The following SUPT3H variants were observed in gnomAD, a reference collection of about 807,000 sequenced individuals.
SUPT3H encodes transcription initiation protein SPT3 homolog.
A neutral mutation model predicts 44.3 loss-of-function variants in SUPT3H; 44 were observed. That is an observed-to-expected ratio of 0.99 (90% CI 0.78 to 1.28). The LOEUF (loss-of-function observed/expected upper bound fraction) is 1.28, where lower values mean the gene tolerates loss of function less well. Ranked by LOEUF, SUPT3H falls within the 50% of genes most tolerant of loss-of-function variation. SUPT3H has a pLI of 0.00. For synonymous variants in SUPT3H, 124 were observed against 125.6 expected (o/e 0.99, Z 0.09); for missense variants, 380 against 387.1 (o/e 0.98, Z 0.15).
chr6:45,207,086 C>T (rs1763326053), intron 2 of SUPT3H, among the ~76,000 whole-genome samples: 2 of 152,072 alleles, frequency 1.3e-5, no homozygotes, highest in Admixed American at 6.6e-5. Context: ...TGAAACCTAG[C>T]ACAATCCATT....
chr6:45,192,099 G>T (rs1815238002), intron 2 of SUPT3H, among the ~76,000 whole-genome samples: 1 of 152,082 alleles, frequency 6.6e-6, no homozygotes, highest in Admixed American at 6.5e-5. Context: ...GTATCTGTTA[G>T]TCCAGTACTC....
intron 2 of SUPT3H, among the ~76,000 whole-genome samples, chr6:45,138,198 T>G (rs1448577605): frequency 6.6e-6 from 1 of 152,024 alleles, no homozygotes; most frequent in Non-Finnish European, 1.5e-5. Context: ...AAAAAGATAA[T>G]AAGAAGTGCT....
intron 3 of SUPT3H, among the ~76,000 whole-genome samples, chr6:45,089,354 C>T (rs1164447998): frequency 6.6e-6 from 1 of 152,038 alleles, no homozygotes; most frequent in East Asian, 1.9e-4. Flanking sequence ...CAATTCTTCT[C>T]TTTTCAAGAT....
chr6:45,092,718 C>G (rs979276190), intron 3 of SUPT3H, among the ~76,000 whole-genome samples: 1 of 137,924 alleles, frequency 7.3e-6, no homozygotes, highest in African/African-American at 2.8e-5. Flanking sequence ...CCATCGCACT[C>G]CAGCCTGGGG....
At chr6:45,190,005 G>A (rs1434841985) in intron 2 of SUPT3H, among the ~76,000 whole-genome samples, 1 of 152,126 alleles carries the variant, frequency 6.6e-6, no homozygotes, top group East Asian at 1.9e-4. Flanking sequence ...CAGATCTAGG[G>A]CATCATTTAT....
chr6:45,158,346 C>A lies in SUPT3H; in HGVS notation c.102-52340G>T, dbSNP rs1341296103. Among the ~76,000 whole-genome samples, 8 of 129,296 alleles carry A rather than the reference C, an allele frequency of 6.2e-5. No individual in the cohort carries two copies. The East Asian group carries it at 1.6e-3, about 25-fold the overall frequency. 84.8% of individuals were successfully genotyped at this position (129,296 alleles called of 152,430 possible). A position where few individuals can be genotyped will look rare whatever the true frequency, so the allele number is the denominator to read the frequency against. On this transcript the variant is annotated intron_variant, in intron 2 of 10. Transcript: ENST00000371459. ...ATGGAGTCTCACTATGTCACCCAAG[C>A]TGGAATGTAGTGGCACTATCTCGGC... is the stretch of plus-strand genomic sequence containing the variant.
At chr6:45,203,169 T>C (rs188106819) in intron 2 of SUPT3H, among the ~76,000 whole-genome samples, 1 of 152,204 alleles carries the variant, frequency 6.6e-6, no homozygotes, top group Non-Finnish European at 1.5e-5. Context: ...ATGGAGTAAA[T>C]GGCGAGGAAC....
At chr6:45,043,181 A>ACACACACAC (rs1418702105) in intron 3 of SUPT3H, among the ~76,000 whole-genome samples, 1 of 145,038 alleles carries the variant, frequency 6.9e-6, no homozygotes, top group African/African-American at 2.5e-5. Context: ...GCACACACAC[A>ACACACACAC]AACACCAAAA....
At chr6:45,365,356 CA>C (rs965242582) in intron 1 of SUPT3H, 55 bp from the exon 2 acceptor site, 19,666 of 910,230 alleles carry the variant, frequency 0.022, no homozygotes, top group South Asian at 0.036. Flanking sequence ...TAAGTAAATG[CA>C]AAAAAAAAAG....
intron 3 of SUPT3H, among the ~76,000 whole-genome samples, chr6:45,084,359 A>G (rs1262691955): frequency 2.6e-5 from 4 of 152,186 alleles, no homozygotes; most frequent in African/African-American, 9.6e-5. Context: ...CTGAAAAGAA[A>G]ACATACAAGC....
chr6:44,838,673 G>C (rs1289922346), intron 10 of SUPT3H, among the ~76,000 whole-genome samples: 1 of 152,116 alleles, frequency 6.6e-6, no homozygotes, highest in Non-Finnish European at 1.5e-5. Flanking sequence ...ATTCAGGTCC[G>C]AGATACTCAT....
chr6:44,947,468 G>A (rs1023271459), intron 9 of SUPT3H, among the ~76,000 whole-genome samples: 7 of 152,174 alleles, frequency 4.6e-5, no homozygotes, highest in Non-Finnish European at 1.0e-4. Flanking sequence ...TTCATGGATT[G>A]TGAGACTTAG....
At chr6:45,080,365 C>G (rs77808362) in intron 3 of SUPT3H, among the ~76,000 whole-genome samples, 2 of 151,990 alleles carry the variant, frequency 1.3e-5, no homozygotes, top group Admixed American at 6.6e-5. Context: ...ACAATCACTA[C>G]GCAGAACAGT....
intron 6 of SUPT3H, among the ~76,000 whole-genome samples, chr6:44,964,124 C>G (rs1221479421): frequency 2.0e-5 from 3 of 151,998 alleles, no homozygotes; most frequent in African/African-American, 7.2e-5. Flanking sequence ...CTCACTATAG[C>G]AGGAACTACT....
intron 11 of SUPT3H, among the ~76,000 whole-genome samples, chr6:44,810,068 A>T (rs683225): frequency 6.6e-6 from 1 of 152,212 alleles, no homozygotes; most frequent in Non-Finnish European, 1.5e-5. Context: ...CAAACCGAGT[A>T]TACTTCTGTC....
chr6:44,934,432 T>C (rs1562079000), intron 9 of SUPT3H, among the ~76,000 whole-genome samples: 1 of 152,150 alleles, frequency 6.6e-6, no homozygotes, highest in African/African-American at 2.4e-5. Context: ...AATGAGGCAG[T>C]TCCCTACATA....
At chr6:44,825,059 T>C (rs1250461233), downstream of SUPT3H, among the ~76,000 whole-genome samples, 1 of 152,218 alleles carries the variant, frequency 6.6e-6, no homozygotes, top group Non-Finnish European at 1.5e-5. Context: ...ATACCTTGTA[T>C]GAAAGCGTGA....
At chr6:44,936,137 T>C (rs1455910089) in intron 9 of SUPT3H, among the ~76,000 whole-genome samples, 3 of 152,228 alleles carry the variant, frequency 2.0e-5, no homozygotes, top group Admixed American at 1.3e-4. Flanking sequence ...AAAGTTGATA[T>C]GATCTGGCCA....
At chr6:45,065,018 C>G (rs1792994827) in intron 3 of SUPT3H, among the ~76,000 whole-genome samples, 2 of 151,192 alleles carry the variant, frequency 1.3e-5, no homozygotes, top group Middle Eastern at 3.4e-3. Flanking sequence ...TTTTTTTCAG[C>G]ACCACACCAC....
Sources: allele counts gnomAD v4.1 joint callset (sites outside exome capture counted in the v4.1 genomes callset), GRCh38; gene constraint gnomAD v4.1.1; transcripts MANE v1.5; gene names NCBI Gene and HGNC (gene_info 2026-07-23, HGNC 2026-07-21).